Variants in SNX30 observed in about 807,000 individuals in gnomAD.
The protein encoded by SNX30 is sorting nexin family member 30.
A neutral mutation model predicts 46.4 loss-of-function variants in SNX30; 24 were observed. That is an observed-to-expected ratio of 0.52 (90% CI 0.37 to 0.73). SNX30 has a LOEUF of 0.73. SNX30 is among the 30% of genes least tolerant of loss of function. The pLI is 0.00. For missense variants in SNX30, 533 were observed against 555.7 expected (o/e 0.96, Z 0.41); for synonymous variants, 189 against 211.5 (o/e 0.89, Z 0.92).
intron 4 of SNX30, among the ~76,000 whole-genome samples, chr9:112,832,636 G>A (rs1840683104): frequency 7.3e-6 from 1 of 136,148 alleles, no homozygotes; most frequent in African/African-American, 2.7e-5. Context: ...TGGGGTTGGG[G>A]GAGGGGGGAG....
chr9:112,825,717 G>T (rs568240948), intron 3 of SNX30, among the ~76,000 whole-genome samples: 16 of 152,014 alleles, frequency 1.1e-4, no homozygotes, highest in Non-Finnish European at 2.1e-4. Flanking sequence ...CTTGGCATTT[G>T]TTAGACATCT....
At chr9:112,777,763 T>C (rs1839773131) in intron 1 of SNX30, among the ~76,000 whole-genome samples, 2 of 152,026 alleles carry the variant, frequency 1.3e-5, no homozygotes, top group Admixed American at 6.6e-5. Context: ...GTAATCTTAA[T>C]AGTATTAACA....
intron 3 of SNX30, among the ~76,000 whole-genome samples, chr9:112,819,266 CTTTTTTT>C (rs35138610): frequency 8.5e-6 from 1 of 117,028 alleles, no homozygotes; most frequent in South Asian, 2.8e-4. Context: ...TTCTTTCTTT[CTTTTTTT>C]TTTTTTTTTT....
chr9:112,773,309 A>G (rs1839682661), intron 1 of SNX30, among the ~76,000 whole-genome samples: 1 of 152,208 alleles, frequency 6.6e-6, no homozygotes, highest in African/African-American at 2.4e-5. Context: ...GTTATGTACA[A>G]TAGGGTCCAA....
intron 1 of SNX30, among the ~76,000 whole-genome samples, 158 bp from the exon 2 acceptor site, chr9:112,804,618 T>G (rs889278924): frequency 1.3e-5 from 2 of 152,232 alleles, no homozygotes; most frequent in African/African-American, 4.8e-5. Flanking sequence ...GTAAAAGATT[T>G]GTTCACTCAA....
At chr9:112,826,109 G>A (rs930992468) in intron 3 of SNX30, among the ~76,000 whole-genome samples, 3 of 152,132 alleles carry the variant, frequency 2.0e-5, no homozygotes, top group African/African-American at 4.8e-5. Context: ...ACTTACTTGC[G>A]CCTCAGGCCA....
At chr9:112,838,868 C>T (rs889741085) in intron 6 of SNX30, among the ~76,000 whole-genome samples, 171 bp downstream of exon 6, 3 of 151,514 alleles carry the variant, frequency 2.0e-5, no homozygotes, top group Non-Finnish European at 4.4e-5. Flanking sequence ...ACATGGTGAA[C>T]GAAGTACGTG....
chr9:112,861,394 T>C (rs1436025278), intron 7 of SNX30, among the ~76,000 whole-genome samples: 1 of 152,202 alleles, frequency 6.6e-6, no homozygotes. Context: ...CATATTAGCC[T>C]GTCTGGCCTC....
chr9:112,793,530 C>T (rs1840059522), intron 1 of SNX30, among the ~76,000 whole-genome samples: 1 of 152,208 alleles, frequency 6.6e-6, no homozygotes, highest in South Asian at 2.1e-4. Context: ...CTTCCATGTC[C>T]TCTACTCCCC....
intron 1 of SNX30, among the ~76,000 whole-genome samples, chr9:112,758,246 T>G (rs1254746346): frequency 6.6e-6 from 1 of 152,168 alleles, no homozygotes; most frequent in African/African-American, 2.4e-5. Flanking sequence ...CCTGCTCTGT[T>G]TGGCCTCCTG....
intron 1 of SNX30, among the ~76,000 whole-genome samples, chr9:112,790,856 CTAT>C (rs1451555784): frequency 6.6e-6 from 1 of 152,184 alleles, no homozygotes. Context: ...GGAGCCTGAC[CTAT>C]TGCCATGAAC....
intron 7 of SNX30, among the ~76,000 whole-genome samples, chr9:112,859,833 A>G (rs1013115595): frequency 6.6e-6 from 1 of 151,582 alleles, no homozygotes; most frequent in Non-Finnish European, 1.5e-5. Context: ...TATTTTTTTT[A>G]ATAGTAGCCA....
chr9:112,862,960 T>C (rs1841261069), intron 7 of SNX30, among the ~76,000 whole-genome samples: 1 of 152,142 alleles, frequency 6.6e-6, no homozygotes, highest in Non-Finnish European at 1.5e-5. Context: ...CCAGAGTGTC[T>C]AGTTATCTCT....
downstream of SNX30, among the ~76,000 whole-genome samples, chr9:112,884,390 C>T (rs76952839): frequency 0.012 from 1,901 of 152,322 alleles, 34 homozygotes; most frequent in African/African-American, 0.043. Flanking sequence ...GTTGCTCTCC[C>T]TGAAGATTGA....
chr9:112,794,596 T>C lies in SNX30; in HGVS notation c.157-10180T>C, dbSNP rs118096493. On this transcript the variant is annotated intron_variant, in intron 1 of 8. Coordinates refer to ENST00000374232, the MANE Select transcript of SNX30 (RefSeq NM_001012994.2). ...AGGCTTTGTCAGGCTCCTCTGAGAC[T>C]AGATCATTCACTTGCCCATATTCCT... Among the ~76,000 whole-genome samples the C allele has an allele frequency of 7.3e-3, 1,110 of 152,360 alleles. 5 individuals carry two copies. The highest frequency in any genetic ancestry group is 0.012 in the Non-Finnish European group (809 of 68,028).
At chr9:112,841,293 A>G (rs1359724008) in intron 6 of SNX30, among the ~76,000 whole-genome samples, 1 of 152,226 alleles carries the variant, frequency 6.6e-6, no homozygotes, top group Non-Finnish European at 1.5e-5. Flanking sequence ...AAAATGTCAT[A>G]TAGCAAGGAT....
At chr9:112,809,922 C>A (rs559954688) in intron 2 of SNX30, among the ~76,000 whole-genome samples, 10 of 151,614 alleles carry the variant, frequency 6.6e-5, no homozygotes, top group African/African-American at 2.4e-4. Flanking sequence ...TGTTTAACTG[C>A]CAGTTGCGCA....
At chr9:112,850,399 A>T (rs1366246428) in intron 6 of SNX30, among the ~76,000 whole-genome samples, 1 of 152,216 alleles carries the variant, frequency 6.6e-6, no homozygotes, top group East Asian at 1.9e-4. Context: ...CATTGAACAG[A>T]TCAGTCCACT....
intron 3 of SNX30, among the ~76,000 whole-genome samples, chr9:112,818,233 A>G (rs997766877): frequency 3.0e-5 from 4 of 135,218 alleles, no homozygotes; most frequent in Non-Finnish European, 1.5e-5. Context: ...ACAGAGTCGC[A>G]CTCTCTTGCC....
Sources: allele counts gnomAD v4.1 joint callset (sites outside exome capture counted in the v4.1 genomes callset), GRCh38; gene constraint gnomAD v4.1.1; transcripts MANE v1.5; gene names NCBI Gene and HGNC (gene_info 2026-07-23, HGNC 2026-07-21).